SCRT2: variants seen among roughly 807,000 people sequenced by gnomAD.
SCRT2 encodes scratch family transcriptional repressor 2, also known as transcriptional repressor scratch 2.
Under a neutral mutation model 3.7 loss-of-function variants are expected in SCRT2, and 2 were observed. That is an observed-to-expected ratio of 0.54 (90% CI 0.22 to 1.70). The LOEUF (loss-of-function observed/expected upper bound fraction) is 1.70. Among genes scored for constraint, SCRT2 ranks in the 40% most tolerant of loss-of-function variants. The probability of loss-of-function intolerance (pLI) is 0.19; values close to 1 mark genes in which losing one functional copy is unlikely to be tolerated. For missense variants in SCRT2, 456 were observed against 468.5 expected, an observed-to-expected ratio of 0.97 and a Z score of 0.25; for synonymous variants, 256 against 220.6, an observed-to-expected ratio of 1.16 and a Z score of -1.42.
chr20:675,344 G>T lies in SCRT2; in HGVS notation c.133+125C>A. ...TTGGAAAGCCCGGGAGGAGCCCACG[G>T]CCAGAGAGATCTCCTCCCGGGGGTT... On this transcript the variant is annotated intron_variant, in intron 1 of 1. Transcript: ENST00000246104. This position sits in a 1 kb window ranked among gnomAD's most constrained non-coding sequence, Gnocchi z 6.9. 1 of 829,844 alleles carries T rather than the reference G, an allele frequency of 1.2e-6. No homozygotes were observed. Among genetic ancestry groups the T allele is most frequent in the Non-Finnish European group, 1.6e-6 (1 of 616,766 alleles). 51.4% of individuals were successfully genotyped at this position (829,844 alleles called of 1,614,324 possible).
In SCRT2 at chr20:663,801, A is replaced by C; in HGVS notation, c.794T>G (p.Phe265Cys). Residue 265 changes from phenylalanine (F) to cysteine (C), a missense_variant, in exon 2 of 2, where the codon TTC becomes TGC. By Grantham distance (205) the Phe-to-Cys change is radical. Transcript: ENST00000246104. This position sits in a 1 kb window ranked among gnomAD's most constrained non-coding sequence, Gnocchi z 6.9. ...LRAHMQTHSA[F>C]KHYRCRQCDK... ...GCACTGGCGGCAGCGGTAGTGCTTG[A>C]AGGCCGAGTGCGTCTGCATGTGCGC... 1.3e-6 allele frequency: 2 copies of C among 1,595,740 alleles called. No homozygotes were observed. The highest frequency in any genetic ancestry group is 8.5e-7 in the Non-Finnish European group (1 of 1,173,214).
chr20:663,684 C>CCGGCGGGGGT lies in SCRT2; in HGVS notation c.901_910dup (p.Gly304AspfsTer89), dbSNP rs747898431. 2.7e-6 allele frequency: 4 copies of CCGGCGGGGGT among 1,506,792 alleles called. No homozygotes were observed. In the South Asian group the frequency reaches 3.7e-5, roughly 14 times the overall value. 93.3% of individuals were successfully genotyped at this position (1,506,792 alleles called of 1,614,324 possible). On this transcript the variant is annotated frameshift_variant, in exon 2 of 2. Coordinates refer to ENST00000246104, the MANE Select transcript of SCRT2 (RefSeq NM_033129.4). LOFTEE classifies it high-confidence loss of function. The surrounding 1 kb of genome is among the most constrained non-coding windows in gnomAD (Gnocchi z 6.9). ...GAGGCGGAAGGCTCAGCTGGCCGGG[C>CCGGCGGGGGT]CGGCGGGGGTCGGCGGGGGTGGCTC...
Position 664,366 on chromosome 20 carries a change from C to T in SCRT2, c.229G>A (p.Ala77Thr). The T allele has an allele frequency of 6.9e-7, 1 of 1,449,480 alleles. No homozygotes were observed. The highest frequency in any genetic ancestry group is 9.2e-7 in the Non-Finnish European group (1 of 1,088,098). 89.8% of individuals were successfully genotyped at this position (1,449,480 alleles called of 1,614,324 possible). ...TCGGGGTCGCTGTACTCCTCCGGCGCCGCCGGCGGGTACGCGGGCTCGGCC... is the reference window on the plus strand; with the variant it reads ...TCGGGGTCGCTGTACTCCTCCGGCGTCGCCGGCGGGTACGCGGGCTCGGCC... ...APAEPAYPPA[A>T]PEEYSDPESP... The change falls in exon 2 of 2, where the codon GCG (alanine) becomes ACG (threonine). Residue 77 changes from alanine (A) to threonine (T), a missense_variant. Ala to Thr is a moderately conservative substitution (Grantham distance 58). Transcript: ENST00000246104. This position sits in a 1 kb window ranked among gnomAD's most constrained non-coding sequence, Gnocchi z 7.9.
At position 664,792 on chromosome 20, in the gene SCRT2, A is replaced by G. The variant is rs911180204; in HGVS notation, c.134-331T>C. ...TACAGGTAGAGAAACTGAGGCGCAGAGAGATGCAGCAGTCTAACCTTACAG... is the reference window on the plus strand; with the variant it reads ...TACAGGTAGAGAAACTGAGGCGCAGGGAGATGCAGCAGTCTAACCTTACAG... On this transcript the variant is annotated intron_variant, in intron 1 of 1. Transcript: ENST00000246104. The surrounding 1 kb of genome is among the most constrained non-coding windows in gnomAD (Gnocchi z 7.9). Among the ~76,000 whole-genome samples the G allele has an allele frequency of 6.6e-6, 1 of 152,246 alleles. No individual in the cohort carries two copies. Among genetic ancestry groups the G allele is most frequent in the Non-Finnish European group, 1.5e-5 (1 of 68,046 alleles).
Position 675,451 on chromosome 20 carries a change from C to T in SCRT2, c.133+18G>A, listed in dbSNP as rs764665809. On this transcript the variant is annotated intron_variant, in intron 1 of 1. Coordinates refer to ENST00000246104, the MANE Select transcript of SCRT2 (RefSeq NM_033129.4). The surrounding 1 kb of genome is among the most constrained non-coding windows in gnomAD (Gnocchi z 6.9). Reference sequence around the variant, plus strand: ...CGCCTCTTCTCCCAACCCCCCGCCCCCGCCGGGTCCCACTCACCGTTGTCC... The same window carrying T: ...CGCCTCTTCTCCCAACCCCCCGCCCTCGCCGGGTCCCACTCACCGTTGTCC... The T allele has an allele frequency of 1.1e-4, 147 of 1,305,836 alleles. No homozygotes were observed. Among genetic ancestry groups the T allele is most frequent in the Non-Finnish European group, 1.4e-4 (140 of 1,018,756 alleles). 80.9% of individuals were successfully genotyped at this position (1,305,836 alleles called of 1,614,324 possible).
intron 1 of SCRT2, among the ~76,000 whole-genome samples, chr20:671,526 T>A (rs897121173): frequency 3.9e-5 from 6 of 152,252 alleles, no homozygotes; most frequent in African/African-American, 1.4e-4. Flanking sequence ...GAAGCCCTTT[T>A]GCATTGCTGC....
rs1983952445 is a variant in SCRT2 at position 661,643 on chromosome 20, T to C, written c.*2028A>G. 1 of 152,572 alleles carries C rather than the reference T, an allele frequency of 6.6e-6. No homozygotes were observed. Among genetic ancestry groups the C allele is most frequent in the African/African-American group, 2.4e-5 (1 of 41,384 alleles). 9.5% of individuals were successfully genotyped at this position (152,572 alleles called of 1,614,324 possible). ...TATCCCTGAATTGCGTTACAAGTAATACTGCTGGAGGTGGGGAAGGGATGG... is the reference window on the plus strand; with the variant it reads ...TATCCCTGAATTGCGTTACAAGTAACACTGCTGGAGGTGGGGAAGGGATGG... On this transcript the variant is annotated 3_prime_UTR_variant, in exon 2 of 2. Transcript: ENST00000246104.
intron 1 of SCRT2, among the ~76,000 whole-genome samples, chr20:674,190 A>ACT (rs533618417): frequency 3.3e-5 from 5 of 149,822 alleles, no homozygotes; most frequent in African/African-American, 9.8e-5. Flanking sequence ...TTTGCCCAGC[A>ACT]CTCTCTCTCT....
Position 675,616 on chromosome 20 carries a change from G to A in SCRT2, c.-15C>T, listed in dbSNP as rs1270916220. ...GAGCGCGGCATGGCGCGGCCGGCGC[G>A]GGGCTCGGTGCGGGGAGGCGGCCGG... On this transcript the variant is annotated 5_prime_UTR_variant, in exon 1 of 2. Transcript: ENST00000246104. This position sits in a 1 kb window ranked among gnomAD's most constrained non-coding sequence, Gnocchi z 6.9. The A allele has an allele frequency of 3.1e-6, 4 of 1,282,486 alleles. No homozygotes were observed. Among genetic ancestry groups the A allele is most frequent in the East Asian group, 3.1e-5 (1 of 32,700 alleles). 79.4% of individuals were successfully genotyped at this position (1,282,486 alleles called of 1,614,324 possible).
In SCRT2 at chr20:675,367, G is replaced by C. The variant is rs765916804; in HGVS notation, c.133+102C>G. 5 of 1,018,458 alleles carry C rather than the reference G, an allele frequency of 4.9e-6. No individual in the cohort carries two copies. The Admixed American group carries it at 1.3e-4, about 26-fold the overall frequency. 63.1% of individuals were successfully genotyped at this position (1,018,458 alleles called of 1,614,324 possible). A position where few individuals can be genotyped will look rare whatever the true frequency, so the allele number is the denominator to read the frequency against. ...CGGCCAGAGAGATCTCCTCCCGGGG[G>C]TTTCCTGTCGCACGCGCCCCTCCTC... On this transcript the variant is annotated intron_variant, in intron 1 of 1. Coordinates refer to ENST00000246104, the MANE Select transcript of SCRT2 (RefSeq NM_033129.4). This position sits in a 1 kb window ranked among gnomAD's most constrained non-coding sequence, Gnocchi z 6.9.
In SCRT2 at chr20:674,399, T is replaced by TCACACA. The variant is rs57092015; in HGVS notation, c.133+1064_133+1069dup. Among the ~76,000 whole-genome samples the TCACACA allele has an allele frequency of 4.5e-3, 484 of 106,774 alleles. 7 individuals carry two copies. Among genetic ancestry groups the TCACACA allele is most frequent in the African/African-American group, 0.014 (360 of 24,846 alleles). The allele number at this position is 106,774 out of a possible 152,430, so 70.0% of individuals were successfully genotyped here. ...CCCCATCTCTCTCTCTCTCTCTCTC[T>TCACACA]CACACACACACACACACACACACAC... On this transcript the variant is annotated intron_variant, in intron 1 of 1. Transcript: ENST00000246104.
chr20:671,853 A>AGG (rs1261157402), intron 1 of SCRT2, among the ~76,000 whole-genome samples: 2 of 151,936 alleles, frequency 1.3e-5, no homozygotes, highest in African/African-American at 4.8e-5. Context: ...ATGCAGAGGA[A>AGG]GGGGGGCCTG....
intron 1 of SCRT2, among the ~76,000 whole-genome samples, chr20:672,697 A>G (rs1984381241): frequency 6.8e-6 from 1 of 146,810 alleles, no homozygotes; most frequent in Non-Finnish European, 1.5e-5. Context: ...AACTGGAACT[A>G]TCTCCAGCCC....
At chr20:668,212 A>C (rs1984217955) in intron 1 of SCRT2, among the ~76,000 whole-genome samples, 1 of 152,032 alleles carries the variant, frequency 6.6e-6, no homozygotes, top group South Asian at 2.1e-4. Context: ...TATCCTTCTA[A>C]TCTGCCAGAG....
In SCRT2 at chr20:675,710, G is replaced by T; in HGVS notation, c.-109C>A. On this transcript the variant is annotated 5_prime_UTR_variant, in exon 1 of 2. Coordinates refer to ENST00000246104, the MANE Select transcript of SCRT2 (RefSeq NM_033129.4). This position sits in a 1 kb window ranked among gnomAD's most constrained non-coding sequence, Gnocchi z 6.9. ...CAGCTCCCAGCGGGCTGGAGCGCGGGAGGCCGCTCGGAGCCGGCACCGGTG... is the reference window on the plus strand; with the variant it reads ...CAGCTCCCAGCGGGCTGGAGCGCGGTAGGCCGCTCGGAGCCGGCACCGGTG... The T allele has an allele frequency of 2.5e-6, 2 of 811,262 alleles. No homozygotes were observed. Among genetic ancestry groups the T allele is most frequent in the Non-Finnish European group, 1.6e-6 (1 of 619,530 alleles). 50.3% of individuals were successfully genotyped at this position (811,262 alleles called of 1,614,324 possible).
At chr20:668,624 G>C (rs557314538) in intron 1 of SCRT2, among the ~76,000 whole-genome samples, 1 of 152,330 alleles carries the variant, frequency 6.6e-6, no homozygotes, top group East Asian at 1.9e-4. Context: ...GTCATGTAGG[G>C]ATATGGGGAG....
chr20:675,735 GGCGGCGGCC>G lies in SCRT2; in HGVS notation c.-143_-135del. The G allele has an allele frequency of 2.1e-6, 1 of 470,620 alleles. No individual in the cohort carries two copies. Among genetic ancestry groups the G allele is most frequent in the Non-Finnish European group, 3.1e-6 (1 of 325,414 alleles). 29.2% of individuals were successfully genotyped at this position (470,620 alleles called of 1,614,324 possible). The stretch of plus-strand genomic sequence containing the variant: ...GAGGCCGCTCGGAGCCGGCACCGGT[GGCGGCGGCC>G]CCGGCTCGGGCTCGGGCTTGGCGGC... On this transcript the variant is annotated 5_prime_UTR_variant, in exon 1 of 2. Coordinates refer to ENST00000246104, the MANE Select transcript of SCRT2 (RefSeq NM_033129.4). This position sits in a 1 kb window ranked among gnomAD's most constrained non-coding sequence, Gnocchi z 6.9.
At position 675,708 on chromosome 20, in the gene SCRT2, G is replaced by T. The variant is rs999794554; in HGVS notation, c.-107C>A. ...GACAGCTCCCAGCGGGCTGGAGCGC[G>T]GGAGGCCGCTCGGAGCCGGCACCGG... On this transcript the variant is annotated 5_prime_UTR_variant, in exon 1 of 2. Transcript: ENST00000246104. The surrounding 1 kb of genome is among the most constrained non-coding windows in gnomAD (Gnocchi z 6.9). 43 of 835,358 alleles carry T rather than the reference G, an allele frequency of 5.1e-5. No individual in the cohort carries two copies. The highest frequency in any genetic ancestry group is 6.1e-5 in the Non-Finnish European group (39 of 639,684). 51.7% of individuals were successfully genotyped at this position (835,358 alleles called of 1,614,324 possible). A position where few individuals can be genotyped will look rare whatever the true frequency, so the allele number is the denominator to read the frequency against.
rs1295921881 is a variant in SCRT2 at position 666,393 on chromosome 20, TCTC to T, written c.134-1935_134-1933del. ...TCAGGCACTCCCAGACCCCCCTCCT[TCTC>T]CTTCTGTATTTCCTCACGTTGTAAT... On this transcript the variant is annotated intron_variant, in intron 1 of 1. Transcript: ENST00000246104. The surrounding 1 kb of genome is among the most constrained non-coding windows in gnomAD (Gnocchi z 4.4). Among the ~76,000 whole-genome samples, 8 of 151,998 alleles carry T rather than the reference TCTC, an allele frequency of 5.3e-5. No homozygotes were observed. The highest frequency in any genetic ancestry group is 3.9e-4 in the Admixed American group (6 of 15,262).
Sources: gnomAD v4.1 joint callset for allele counts (sites outside exome capture counted in the v4.1 genomes callset) on GRCh38, gnomAD v4.1.1 for gene constraint, Gnocchi (gnomAD v3.1) non-coding constraint, MANE v1.5 for transcripts, NCBI Gene and HGNC (gene_info 2026-07-23, HGNC 2026-07-21) for gene names.